Variants in CROT observed in about 807,000 individuals in gnomAD.
The protein encoded by CROT is carnitine O-octanoyltransferase.
A neutral mutation model predicts 89.2 loss-of-function variants in CROT; 84 were observed. The observed-to-expected ratio is 0.94, with a 90% CI of 0.79 to 1.13. The LOEUF is 1.13. Ranked by LOEUF, CROT falls within the 50% of genes most tolerant of loss-of-function variation. The pLI, the probability that CROT is intolerant of heterozygous loss-of-function variation, is 0.00. For missense variants in CROT, 711 were observed against 727.8 expected (o/e 0.98, Z 0.27); for synonymous variants, 212 against 239.5 (o/e 0.89, Z 1.06).
chr7:87,366,277 G>A (rs1451625262), intron 6 of CROT, among the ~76,000 whole-genome samples: 2 of 151,870 alleles, frequency 1.3e-5, no homozygotes, highest in African/African-American at 4.8e-5. Flanking sequence ...TACAGGGCCT[G>A]TGGGAGGTGT....
chr7:87,397,962 G>A (rs150136558), intron 17 of CROT, among the ~76,000 whole-genome samples: 1 of 152,174 alleles, frequency 6.6e-6, no homozygotes, highest in African/African-American at 2.4e-5. Flanking sequence ...CAGCTTCCCA[G>A]GGCCACTTTT....
At chr7:87,355,703 G>A (rs540993572) in intron 3 of CROT, among the ~76,000 whole-genome samples, 53 of 152,166 alleles carry the variant, frequency 3.5e-4, no homozygotes, top group African/African-American at 1.3e-3. Flanking sequence ...GAAACAGTAG[G>A]TACTGACAAA....
chr7:87,366,838 A>C (rs759133958), intron 6 of CROT, among the ~76,000 whole-genome samples: 1 of 152,170 alleles, frequency 6.6e-6, no homozygotes, highest in Non-Finnish European at 1.5e-5. Context: ...GGCCAGAGAA[A>C]ACCATAAAAC....
chr7:87,361,308 T>C (rs1021395574), intron 4 of CROT, 82 bp from the exon 5 acceptor site: 3 of 1,309,184 alleles, frequency 2.3e-6, no homozygotes, highest in East Asian at 2.3e-5. Flanking sequence ...AGAACAAATA[T>C]AGCTTGCTTT....
At chr7:87,358,646 A>G (rs1418361397) in intron 3 of CROT, among the ~76,000 whole-genome samples, 3 of 152,176 alleles carry the variant, frequency 2.0e-5, no homozygotes, top group Non-Finnish European at 2.9e-5. Context: ...TATATTTATT[A>G]TCCATTAAGT....
At chr7:87,364,649 T>C (rs1486396063) in intron 6 of CROT, among the ~76,000 whole-genome samples, 1 of 152,188 alleles carries the variant, frequency 6.6e-6, no homozygotes, top group East Asian at 1.9e-4. Flanking sequence ...TATTACATCA[T>C]AGGCATTGTT....
intron 3 of CROT, among the ~76,000 whole-genome samples, chr7:87,356,883 G>A (rs377297833): frequency 3.9e-5 from 6 of 152,146 alleles, no homozygotes; most frequent in East Asian, 1.9e-4. Flanking sequence ...TTAGCTGGGC[G>A]TGGTGGTGGG....
chr7:87,394,555 T>TAA (rs58160892), intron 17 of CROT, among the ~76,000 whole-genome samples: 16,233 of 148,540 alleles, frequency 0.11, 1,071 homozygotes, highest in African/African-American at 0.19. Flanking sequence ...AAGTACTATT[T>TAA]AAAAAAAAAA....
intron 14 of CROT, 121 bp downstream of exon 14, chr7:87,391,833 A>C: frequency 4.1e-6 from 4 of 975,334 alleles, no homozygotes; most frequent in Non-Finnish European, 3.0e-6. Flanking sequence ...ACTTTGAGAC[A>C]TCTTTTCTGA....
intron 3 of CROT, among the ~76,000 whole-genome samples, chr7:87,352,364 G>C (rs1805895832): frequency 6.6e-6 from 1 of 152,178 alleles, no homozygotes; most frequent in African/African-American, 2.4e-5. Context: ...TATGGCCAAG[G>C]GACTTAAACA....
At position 87,361,535 on chromosome 7, in the gene CROT, T is replaced by C. The variant is rs1392124711; in HGVS notation, c.386T>C (p.Leu129Pro). The C allele has an allele frequency of 1.2e-6, 2 of 1,603,674 alleles. No individual in the cohort carries two copies. Among genetic ancestry groups the C allele is most frequent in the Non-Finnish European group, 1.7e-6 (2 of 1,175,606 alleles). ...GTQLERGSIT[L>P]WHNLNYWQLL... ...CAATTAGAAAGAGGAAGTATAACTCTTTGGCATAACTTGAACTACTGGCAG... is the reference window on the plus strand; with the variant it reads ...CAATTAGAAAGAGGAAGTATAACTCCTTGGCATAACTTGAACTACTGGCAG... Residue 129 changes from leucine (L) to proline (P), a missense_variant, in exon 5 of 18, where the codon CTT (leucine) becomes CCT (proline). Coordinates refer to ENST00000331536, the MANE Select transcript of CROT (RefSeq NM_021151.4).
At chr7:87,390,218 A>G (rs1807315325) in intron 13 of CROT, among the ~76,000 whole-genome samples, 1 of 152,212 alleles carries the variant, frequency 6.6e-6, no homozygotes, top group South Asian at 2.1e-4. Context: ...TAAATCCAAT[A>G]GTTAATGCTC....
At chr7:87,380,570 G>A (rs115513141) in intron 10 of CROT, among the ~76,000 whole-genome samples, 334 of 152,258 alleles carry the variant, frequency 2.2e-3, no homozygotes, top group African/African-American at 7.6e-3. Flanking sequence ...TAAACACTAT[G>A]TAAATACATA....
At chr7:87,364,597 A>T (rs1235818279) in intron 6 of CROT, among the ~76,000 whole-genome samples, 1 of 152,208 alleles carries the variant, frequency 6.6e-6, no homozygotes, top group African/African-American at 2.4e-5. Flanking sequence ...AAAAGTTTTG[A>T]TGTGCACTGG....
intron 6 of CROT, among the ~76,000 whole-genome samples, chr7:87,366,887 A>G (rs1045970444): frequency 1.3e-5 from 2 of 152,258 alleles, no homozygotes; most frequent in African/African-American, 4.8e-5. Context: ...GTTGGCCCCC[A>G]GCACTACGGT....
intron 13 of CROT, among the ~76,000 whole-genome samples, chr7:87,388,918 A>C (rs940266574): frequency 1.3e-5 from 2 of 152,210 alleles, no homozygotes; most frequent in Admixed American, 6.5e-5. Context: ...AGGAACTTAA[A>C]CAAATTTACA....
chr7:87,346,765 T>C (rs1006228879), intron 2 of CROT, among the ~76,000 whole-genome samples: 1 of 152,252 alleles, frequency 6.6e-6, no homozygotes, highest in African/African-American at 2.4e-5. Context: ...ATGTGTGTAC[T>C]AGTCTTCTAT....
intron 13 of CROT, among the ~76,000 whole-genome samples, chr7:87,384,357 C>A (rs528077439): frequency 4.5e-4 from 68 of 152,168 alleles, no homozygotes; most frequent in Non-Finnish European, 8.4e-4. Flanking sequence ...CATAGCGAAA[C>A]CCTGTCTCTA....
intron 3 of CROT, among the ~76,000 whole-genome samples, chr7:87,358,942 G>T (rs542098498): frequency 6.6e-6 from 1 of 152,256 alleles, no homozygotes; most frequent in African/African-American, 2.4e-5. Context: ...ATAGGCTTGT[G>T]ATGAAAAATG....
Sources: gnomAD v4.1 joint callset for allele counts (sites outside exome capture counted in the v4.1 genomes callset) on GRCh38, gnomAD v4.1.1 for gene constraint, MANE v1.5 for transcripts, NCBI Gene and HGNC (gene_info 2026-07-23, HGNC 2026-07-21) for gene names.